The following RLIM variants were observed in gnomAD, a reference collection of about 807,000 sequenced individuals.
RLIM encodes the protein E3 ubiquitin-protein ligase RLIM.
A neutral mutation model predicts 34.0 loss-of-function variants in RLIM; 2 were observed. That is an observed-to-expected ratio of 0.06 (90% CI 0.02 to 0.19). The LOEUF (loss-of-function observed/expected upper bound fraction) is 0.19. RLIM is among the 10% of genes least tolerant of loss of function. RLIM has a pLI of 1.00. For synonymous variants in RLIM, 169 were observed against 164.0 expected, an observed-to-expected ratio of 1.03 and a Z score of -0.23; for missense variants, 286 against 479.7, an observed-to-expected ratio of 0.60 and a Z score of 3.77.
Position 74,589,576 on chromosome X carries a change from G to C in RLIM, c.*1864C>G, listed in dbSNP as rs2079603722. 8.9e-6 allele frequency: 1 copy of C among 112,329 alleles called. No homozygotes were observed. The highest frequency in any genetic ancestry group is 3.2e-5 in the African/African-American group (1 of 30,975). The allele number at this position is 112,329 out of a possible 1,213,427, so 9.3% of individuals were successfully genotyped here. On this transcript the variant is annotated 3_prime_UTR_variant, in exon 4 of 4. Coordinates refer to ENST00000332687, the MANE Select transcript of RLIM (RefSeq NM_016120.4). ...CCTTGATACTTAGATAGGATTGAAA[G>C]CCAGAAGAAATCATGGAAGAGTGAG... is the stretch of plus-strand genomic sequence containing the variant.
At position 74,594,335 on chromosome X, in the gene RLIM, G is replaced by A; in HGVS notation, c.224C>T (p.Pro75Leu). The change falls in exon 3 of 4, where the codon CCA becomes CTA. Residue 75 changes from proline to leucine, a missense_variant. Pro to Leu is a moderately conservative substitution (Grantham distance 98). Transcript: ENST00000332687. ...ATTTTCATCTGAGTTTTGCGGTGGT[G>A]GGCCTTCTTTAATTTGCTGTAGTCG... The part of the protein sequence containing the change: ...LRRLQQIKEG[P>L]PPQNSDENRG... 8.3e-7 allele frequency: 1 copy of A among 1,206,761 alleles called. No homozygotes were observed. The highest frequency in any genetic ancestry group is 1.1e-6 in the Non-Finnish European group (1 of 893,716).
At chrX:74,610,885 G>A (rs974570100) in intron 1 of RLIM, among the ~76,000 whole-genome samples, 12 of 106,322 alleles carry the variant, frequency 1.1e-4, no homozygotes, top group African/African-American at 1.7e-4. Flanking sequence ...GTGAGACTCC[G>A]TCTCAAAAAA....
rs1458061972 is a variant in RLIM at position 74,592,386 on chromosome X, G to A, written c.929C>T (p.Thr310Ile). 1.7e-6 allele frequency: 2 copies of A among 1,211,555 alleles called. No homozygotes were observed. The highest frequency in any genetic ancestry group is 4.4e-5 in the Admixed American group (2 of 45,969). Reference sequence around the variant, plus strand: ...GGTTGGAGGTCTCTGTCCTGATCCTGTAGATTCACCACTGGCAGCTGTGTC... The same window carrying A: ...GGTTGGAGGTCTCTGTCCTGATCCTATAGATTCACCACTGGCAGCTGTGTC... ...SSDTAASGESTGSGQRPPTIV... is the reference protein window; with the variant it reads ...SSDTAASGESIGSGQRPPTIV... Residue 310 changes from threonine (T) to isoleucine (I), a missense_variant, in exon 4 of 4, where the codon ACA (threonine) becomes ATA (isoleucine). Coordinates refer to ENST00000332687, the MANE Select transcript of RLIM (RefSeq NM_016120.4).
intron 1 of RLIM, among the ~76,000 whole-genome samples, chrX:74,602,672 GGCT>G (rs199764172): frequency 0.013 from 1,427 of 111,929 alleles, 8 homozygotes; most frequent in Middle Eastern, 0.023. Flanking sequence ...GGGAGGCAGA[GGCT>G]GCTGTGAGCC....
At position 74,584,795 on chromosome X, in the gene RLIM, T is replaced by C. The variant is rs1931306845; in HGVS notation, c.*6645A>G. ...CTAAGATGCCTGTGCTTTGGCTTCATTGTCTAGAGCACTAACTTTTTGATG... is the reference window on the plus strand; with the variant it reads ...CTAAGATGCCTGTGCTTTGGCTTCACTGTCTAGAGCACTAACTTTTTGATG... On this transcript the variant is annotated 3_prime_UTR_variant, in exon 4 of 4. Transcript: ENST00000332687. 2.7e-5 allele frequency among the ~76,000 whole-genome samples: 3 copies of C among 111,886 alleles called. No individual in the cohort carries two copies. Among genetic ancestry groups the C allele is most frequent in the South Asian group, 3.7e-4 (1 of 2,689 alleles).
rs781317448 is a variant in RLIM at position 74,584,714 on chromosome X, C to T, written c.*6726G>A. Reference sequence around the variant, plus strand: ...ACCTCAGCCTCCCAAGTAGCTGGGACCACAGCTGTGTACCACCACACCTGG... The same window carrying T: ...ACCTCAGCCTCCCAAGTAGCTGGGATCACAGCTGTGTACCACCACACCTGG... On this transcript the variant is annotated 3_prime_UTR_variant, in exon 4 of 4. Coordinates refer to ENST00000332687, the MANE Select transcript of RLIM (RefSeq NM_016120.4). Among the ~76,000 whole-genome samples, 5 of 111,417 alleles carry T rather than the reference C, an allele frequency of 4.5e-5. No homozygotes were observed. The highest frequency in any genetic ancestry group is 1.6e-4 in the African/African-American group (5 of 30,572).
Position 74,608,569 on chromosome X carries a change from G to A in RLIM, c.-24+5853C>T, listed in dbSNP as rs191067961. 4.5e-5 allele frequency among the ~76,000 whole-genome samples: 5 copies of A among 111,759 alleles called. No homozygotes were observed. In the East Asian group the frequency reaches 1.4e-3, roughly 31 times the overall value. ...AAATGCTACCAAGGTATCCCCCACT[G>A]CTCATGCTACCATAACAATAAGAGA... On this transcript the variant is annotated intron_variant, in intron 1 of 3. Transcript: ENST00000332687.
chrX:74,583,266 G>A lies in RLIM; in HGVS notation c.*8174C>T. On this transcript the variant is annotated 3_prime_UTR_variant, in exon 4 of 4. Transcript: ENST00000332687. ...CAACAACACGCCAGTGATTTTACCG[G>A]CAAGAGTAGGGTGCATGGCTTGAAT... 2 of 1,006,785 alleles carry A rather than the reference G, an allele frequency of 2.0e-6. No individual in the cohort carries two copies. Among genetic ancestry groups the A allele is most frequent in the Non-Finnish European group, 2.8e-6 (2 of 707,504 alleles). The allele number at this position is 1,006,785 out of a possible 1,213,427, so 83.0% of individuals were successfully genotyped here.
intron 1 of RLIM, among the ~76,000 whole-genome samples, chrX:74,603,808 C>CA (rs1247380875): frequency 9.0e-6 from 1 of 110,885 alleles, no homozygotes; most frequent in South Asian, 3.7e-4. Flanking sequence ...TCAACATAAT[C>CA]AAAAAAAATC....
chrX:74,583,528 T>C lies in RLIM; in HGVS notation c.*7912A>G, dbSNP rs183878688. On this transcript the variant is annotated 3_prime_UTR_variant, in exon 4 of 4. Coordinates refer to ENST00000332687, the MANE Select transcript of RLIM (RefSeq NM_016120.4). Reference sequence around the variant, plus strand: ...GCTGTAGCTGCAAGACGTGGACCCATTGTCTGTGTTGATGAATTCACCAAA... The same window carrying C: ...GCTGTAGCTGCAAGACGTGGACCCACTGTCTGTGTTGATGAATTCACCAAA... The C allele has an allele frequency of 6.3e-4, 354 of 561,269 alleles. 1 individual carries two copies. The African/African-American group carries it at 7.1e-3, about 11-fold the overall frequency. 46.3% of individuals were successfully genotyped at this position (561,269 alleles called of 1,213,427 possible).
intron 1 of RLIM, among the ~76,000 whole-genome samples, chrX:74,602,797 A>G: frequency 9.0e-6 from 1 of 110,984 alleles, no homozygotes; most frequent in Admixed American, 9.7e-5. Context: ...CATAAAAGAA[A>G]TGGATGAATT....
Position 74,592,813 on chromosome X carries a change from C to T in RLIM, c.502G>A (p.Val168Met), listed in dbSNP as rs376735236. 4.5e-5 allele frequency: 54 copies of T among 1,209,917 alleles called. No homozygotes were observed. The highest frequency in any genetic ancestry group is 5.8e-5 in the Non-Finnish European group (52 of 894,925). ...ACTTGCCTTTGGCTGTTGTTTTCCA[C>T]ATTTTCTCCACTAGAACGTCTTGCA... ...PSARRSSGENVENNSQRQVEN... is the reference protein window; with the variant it reads ...PSARRSSGENMENNSQRQVEN... The change falls in exon 4 of 4, where the codon GTG (valine) becomes ATG (methionine). Residue 168 changes from valine to methionine, a missense_variant. Physicochemically the swap from Val to Met is conservative, Grantham distance 21. Transcript: ENST00000332687.
intron 1 of RLIM, among the ~76,000 whole-genome samples, chrX:74,608,715 G>A (rs910752411): frequency 8.9e-6 from 1 of 112,202 alleles, no homozygotes; most frequent in African/African-American, 3.2e-5. Flanking sequence ...TGTACGCACC[G>A]ACTTGCAGCT....
At chrX:74,608,451 G>C (rs2079692457) in intron 1 of RLIM, among the ~76,000 whole-genome samples, 1 of 106,809 alleles carries the variant, frequency 9.4e-6, no homozygotes, top group Admixed American at 1.0e-4. Flanking sequence ...AAAAAGAACA[G>C]GCAGGGTTAA....
rs771072717 is a variant in RLIM, at chrX:74,593,023, T to C, written c.292A>G (p.Ile98Val). 8 of 1,208,681 alleles carry C rather than the reference T, an allele frequency of 6.6e-6. No individual in the cohort carries two copies. The highest frequency in any genetic ancestry group is 9.0e-6 in the Non-Finnish European group (8 of 892,816). The change falls in exon 4 of 4, where the codon ATA becomes GTA. Residue 98 changes from isoleucine to valine, a missense_variant. Coordinates refer to ENST00000332687, the MANE Select transcript of RLIM (RefSeq NM_016120.4). ...SSDDVSNGDS[I>V]IDWLNSVRQT... is the part of the protein sequence containing the mutation. ...CTGACAGAGTTAAGCCAGTCTATTA[T>C]AGAGTCACCATTAGACACATCATCT...
intron 1 of RLIM, among the ~76,000 whole-genome samples, chrX:74,597,526 A>C (rs184195656): frequency 1.8e-5 from 2 of 112,116 alleles, no homozygotes; most frequent in African/African-American, 6.5e-5. Flanking sequence ...CAAAGTTGAG[A>C]AAACTAATTC....
rs932769559 is a variant in RLIM, at chrX:74,590,618, T to C, written c.*822A>G. On this transcript the variant is annotated 3_prime_UTR_variant, in exon 4 of 4. Coordinates refer to ENST00000332687, the MANE Select transcript of RLIM (RefSeq NM_016120.4). The stretch of plus-strand genomic sequence containing the variant: ...TTACAAAAGCAGCTTTGTACTTTGT[T>C]TGGTGTGTTTGTTACTATGTTGGCT... 1 of 112,659 alleles carries C rather than the reference T, an allele frequency of 8.9e-6. No individual in the cohort carries two copies. Among genetic ancestry groups the C allele is most frequent in the Admixed American group, 9.5e-5 (1 of 10,573 alleles). 9.3% of individuals were successfully genotyped at this position (112,659 alleles called of 1,213,427 possible).
At position 74,586,533 on chromosome X, in the gene RLIM, A is replaced by T. The variant is rs190806254; in HGVS notation, c.*4907T>A. 8.9e-6 allele frequency: 1 copy of T among 112,515 alleles called. No homozygotes were observed. The highest frequency in any genetic ancestry group is 3.2e-5 in the African/African-American group (1 of 31,050). The allele number at this position is 112,515 out of a possible 1,213,427, so 9.3% of individuals were successfully genotyped here. Reference sequence around the variant, plus strand: ...CTTCAGATCTGATCAAGACATGAGAATTATAAAACCGATACAAACTGTTCT... The same window carrying T: ...CTTCAGATCTGATCAAGACATGAGATTTATAAAACCGATACAAACTGTTCT... On this transcript the variant is annotated 3_prime_UTR_variant, in exon 4 of 4. Transcript: ENST00000332687.
chrX:74,608,587 A>T (rs972517478), intron 1 of RLIM, among the ~76,000 whole-genome samples: 1 of 112,017 alleles, frequency 8.9e-6, no homozygotes, highest in Admixed American at 9.5e-5. Context: ...TACCATAACA[A>T]TAAGAGATTA....
Sources: gnomAD v4.1 joint callset for allele counts (sites outside exome capture counted in the v4.1 genomes callset) on GRCh38, gnomAD v4.1.1 for gene constraint, MANE v1.5 for transcripts, NCBI Gene and HGNC (gene_info 2026-07-23, HGNC 2026-07-21) for gene names.